The following KIF1A variants were observed in gnomAD, a reference collection of about 807,000 sequenced individuals.
The protein encoded by KIF1A is kinesin family member 1A, also known as kinesin-like protein KIF1A.
KIF1A carries 46 observed loss-of-function variants against 227.3 expected under a neutral mutation model. The observed-to-expected ratio is 0.20, with a 90% CI of 0.16 to 0.26. The LOEUF is 0.26. KIF1A is among the 10% of genes least tolerant of loss of function. The pLI, the probability that KIF1A is intolerant of heterozygous loss-of-function variation, is 1.00. For missense variants in KIF1A, 1,683 were observed against 2,485.9 expected, an observed-to-expected ratio of 0.68 and a Z score of 6.87; for synonymous variants, 1,022 against 1,012.8, an observed-to-expected ratio of 1.01 and a Z score of -0.17.
chr2:240,770,960 G>A lies in KIF1A; in HGVS notation c.1341+11C>T, dbSNP rs577198695. 12 of 1,608,990 alleles carry A rather than the reference G, an allele frequency of 7.5e-6. No homozygotes were observed. The South Asian group carries it at 9.9e-5, about 13-fold the overall frequency. On this transcript the variant is annotated intron_variant, in intron 15 of 48. Coordinates refer to ENST00000498729, the MANE Select transcript of KIF1A (RefSeq NM_001244008.2). ...AGTCTGACACCCTGAAGCCCCAGGT[G>A]GTGCCCTCACCTTCAGTCTTTCAAT...
At chr2:240,816,394 C>A (rs552648748) in intron 1 of KIF1A, among the ~76,000 whole-genome samples, 1 of 151,784 alleles carries the variant, frequency 6.6e-6, no homozygotes, top group Non-Finnish European at 1.5e-5. Context: ...TGTGTGTGTT[C>A]GAGTGGATGC....
At chr2:240,741,214 C>A in intron 35 of KIF1A, 55 bp downstream of exon 35, 1 of 1,251,122 alleles carries the variant, frequency 8.0e-7, no homozygotes, top group Non-Finnish European at 1.1e-6. Context: ...TCGTCCCTCT[C>A]CGCGCACCCC....
At chr2:240,812,384 G>C (rs1345312285) in intron 1 of KIF1A, among the ~76,000 whole-genome samples, 18 of 152,232 alleles carry the variant, frequency 1.2e-4, no homozygotes. Context: ...CTGCCCAGCT[G>C]CTGGAGAGGC....
chr2:240,783,735 CT>C lies in KIF1A; in HGVS notation c.798+3del. ...GGGTCCCCGCATGGCGGCCTGGCCCCTACCTTGAGGCGCGTGCCCTTGGCTC... is the reference window on the plus strand; with the variant it reads ...GGGTCCCCGCATGGCGGCCTGGCCCCACCTTGAGGCGCGTGCCCTTGGCTC... On this transcript the variant is annotated splice_donor_region_variant and intron_variant, in intron 8 of 48. Coordinates refer to ENST00000498729, the MANE Select transcript of KIF1A (RefSeq NM_001244008.2). 1 of 1,566,852 alleles carries C rather than the reference CT, an allele frequency of 6.4e-7. No homozygotes were observed. The highest frequency in any genetic ancestry group is 8.7e-7 in the Non-Finnish European group (1 of 1,155,696).
chr2:240,802,493 G>A (rs984379202), intron 1 of KIF1A, among the ~76,000 whole-genome samples: 2 of 152,196 alleles, frequency 1.3e-5, no homozygotes. Flanking sequence ...ATTAAAAATT[G>A]TCAGACCAGA....
intron 38 of KIF1A, among the ~76,000 whole-genome samples, chr2:240,729,861 C>T (rs910811105): frequency 2.0e-5 from 3 of 152,218 alleles, no homozygotes; most frequent in Non-Finnish European, 4.4e-5. Context: ...ACTGTCCCCT[C>T]CCCCAGGTGC....
rs2051141142 is a variant in KIF1A, at chr2:240,766,139, G to A, written c.1685-346C>T. ...GGGGCCTGGGCCGTCCCACAGGAGA[G>A]GGTAGGCAGGGCTTTGCAGTCAGAG... On this transcript the variant is annotated intron_variant, in intron 19 of 48. Coordinates refer to ENST00000498729, the MANE Select transcript of KIF1A (RefSeq NM_001244008.2). This position sits in a 1 kb window ranked among gnomAD's most constrained non-coding sequence, Gnocchi z 5.0. Among the ~76,000 whole-genome samples, 2 of 152,262 alleles carry A rather than the reference G, an allele frequency of 1.3e-5. No individual in the cohort carries two copies. The highest frequency in any genetic ancestry group is 6.5e-5 in the Admixed American group (1 of 15,286).
intron 30 of KIF1A, 38 bp from the exon 31 acceptor site, chr2:240,745,947 C>A: frequency 1.3e-6 from 2 of 1,592,808 alleles, no homozygotes; most frequent in Non-Finnish European, 1.7e-6. Flanking sequence ...GACCTCCAGG[C>A]CATATTGTCT....
chr2:240,742,858 G>A (rs968325718), intron 34 of KIF1A, 71 bp downstream of exon 34: 6 of 1,367,088 alleles, frequency 4.4e-6, no homozygotes, highest in Admixed American at 1.9e-5. Flanking sequence ...CACTGCGGGG[G>A]CCCAGCCCAC....
At chr2:240,761,406 G>A (rs371777113) in intron 23 of KIF1A, 29 bp from the exon 24 acceptor site, 61 of 1,551,394 alleles carry the variant, frequency 3.9e-5, no homozygotes, top group South Asian at 7.3e-5. Flanking sequence ...CGTGGTCATC[G>A]CAGGAAGGCC....
chr2:240,765,681 T>C (rs759090126), intron 20 of KIF1A, 29 bp downstream of exon 20: 2 of 1,577,540 alleles, frequency 1.3e-6, no homozygotes, highest in Admixed American at 3.4e-5. Flanking sequence ...TCTGCCTACC[T>C]GACTGGCCCC....
chr2:240,725,197 C>T lies in KIF1A; in HGVS notation c.4256+74G>A. ...CTGCCGGGTGGCCCAAGGACCGCTGCCAGGCAGAGCCCTGCCTGGCCCGCA... is the reference window on the plus strand; with the variant it reads ...CTGCCGGGTGGCCCAAGGACCGCTGTCAGGCAGAGCCCTGCCTGGCCCGCA... On this transcript the variant is annotated intron_variant, in intron 40 of 48. Coordinates refer to ENST00000498729, the MANE Select transcript of KIF1A (RefSeq NM_001244008.2). The surrounding 1 kb of genome is among the most constrained non-coding windows in gnomAD (Gnocchi z 5.8). 6.6e-7 allele frequency: 1 copy of T among 1,508,428 alleles called. No homozygotes were observed. 93.4% of individuals were successfully genotyped at this position (1,508,428 alleles called of 1,614,324 possible). A position where few individuals can be genotyped will look rare whatever the true frequency, so the allele number is the denominator to read the frequency against.
intron 15 of KIF1A, 68 bp from the exon 16 acceptor site, chr2:240,769,774 G>A (rs953921053): frequency 9.8e-6 from 13 of 1,330,894 alleles, no homozygotes; most frequent in Middle Eastern, 3.7e-4. Context: ...ATGGAGACAC[G>A]GGTGCCAGGA....
intron 20 of KIF1A, among the ~76,000 whole-genome samples, chr2:240,764,954 C>T (rs1389571997): frequency 1.3e-5 from 2 of 152,196 alleles, no homozygotes; most frequent in Non-Finnish European, 2.9e-5. Context: ...CCCAGACTGC[C>T]ACCTGCCCAT....
At chr2:240,782,692 GC>G in intron 9 of KIF1A, 85 bp from the exon 10 acceptor site, 1 of 1,390,028 alleles carries the variant, frequency 7.2e-7, no homozygotes. Context: ...CGGCCCGGCT[GC>G]CTCGCCCTGG....
At chr2:240,747,551 G>A (rs1428267800) in intron 28 of KIF1A, among the ~76,000 whole-genome samples, 1 of 152,166 alleles carries the variant, frequency 6.6e-6, no homozygotes, top group Non-Finnish European at 1.5e-5. Context: ...CCTCATCACA[G>A]CCCACCTTGA....
intron 38 of KIF1A, among the ~76,000 whole-genome samples, chr2:240,730,176 C>T (rs1410277680): frequency 1.3e-5 from 2 of 152,236 alleles, no homozygotes; most frequent in African/African-American, 2.4e-5. Context: ...GAGGAGACAA[C>T]AGCTGGTGGA....
chr2:240,734,985 G>A lies in KIF1A; in HGVS notation c.4007+2078C>T, dbSNP rs560260216. Among the ~76,000 whole-genome samples, 4 of 152,312 alleles carry A rather than the reference G, an allele frequency of 2.6e-5. No homozygotes were observed. In the South Asian group the frequency reaches 8.3e-4, roughly 32 times the overall value. On this transcript the variant is annotated intron_variant, in intron 38 of 48. Transcript: ENST00000498729. Reference sequence around the variant, plus strand: ...TGAGCCTCCGCACGTCAGGGAGAGCGGCCTTGGAGCAGCCCGGCCCATCAT... The same window carrying A: ...TGAGCCTCCGCACGTCAGGGAGAGCAGCCTTGGAGCAGCCCGGCCCATCAT...
intron 40 of KIF1A, chr2:240,724,470 G>A: frequency 4.2e-6 from 1 of 238,396 alleles, no homozygotes; most frequent in African/African-American, 2.3e-5. Flanking sequence ...ACAGGTCGGT[G>A]GCATCCCACA....
Sources: gnomAD v4.1 joint callset for allele counts (sites outside exome capture counted in the v4.1 genomes callset) on GRCh38, gnomAD v4.1.1 for gene constraint, Gnocchi (gnomAD v3.1) non-coding constraint, MANE v1.5 for transcripts, NCBI Gene and HGNC (gene_info 2026-07-23, HGNC 2026-07-21) for gene names.